The following SEMA6D variants were observed in gnomAD, a reference collection of about 807,000 sequenced individuals.
SEMA6D encodes semaphorin-6D.
SEMA6D carries 35 observed loss-of-function variants against 106.6 expected under a neutral mutation model. That is an observed-to-expected ratio of 0.33 (90% confidence interval 0.25 to 0.44). The LOEUF is 0.44. Ranked by LOEUF, SEMA6D falls within the 20% of genes least tolerant of loss-of-function variation. SEMA6D has a pLI of 1.00. For synonymous variants in SEMA6D, 499 were observed against 487.7 expected (o/e 1.02, Z -0.31); for missense variants, 1,185 against 1,345.9 (o/e 0.88, Z 1.87).
Position 47,575,342 on chromosome 15 carries a change from G to C in SEMA6D, c.-86-25523G>C, listed in dbSNP as rs186857474. ...AAGTCAATAAGAGACTCAAGGGTGA[G>C]TCATAGCTGAAGCCACAGTAAAGCC... On this transcript the variant is annotated intron_variant, in intron 3 of 19. Coordinates refer to the SEMA6D transcript ENST00000558014. 1.1e-4 allele frequency among the ~76,000 whole-genome samples: 17 copies of C among 152,300 alleles called. No homozygotes were observed. In the East Asian group the frequency reaches 3.1e-3, roughly 28 times the overall value.
intron 2 of SEMA6D, among the ~76,000 whole-genome samples, chr15:47,469,394 C>T (rs550894490): frequency 6.6e-6 from 1 of 151,562 alleles, no homozygotes; most frequent in South Asian, 2.1e-4. Context: ...AAATTGTCTT[C>T]AGTTTTTTTC....
intron 1 of SEMA6D, among the ~76,000 whole-genome samples, chr15:47,745,902 A>G (rs983949116): frequency 2.0e-5 from 3 of 152,240 alleles, no homozygotes; most frequent in African/African-American, 7.2e-5. Flanking sequence ...AGGAAGTTGT[A>G]ATAATAGTAC....
chr15:47,746,980 GTGTGTATA>G (rs1217948239), intron 1 of SEMA6D, among the ~76,000 whole-genome samples: 9 of 116,620 alleles, frequency 7.7e-5, no homozygotes, highest in Non-Finnish European at 8.5e-5. Flanking sequence ...CTGTGTGTGT[GTGTGTATA>G]TATATATATA....
chr15:47,730,384 C>G, intron 1 of SEMA6D: 2 of 1,446,234 alleles, frequency 1.4e-6, no homozygotes, highest in South Asian at 2.3e-5. Context: ...GTCTTGCCTT[C>G]CCCTTGATAA....
At chr15:47,766,822 G>T in intron 16 of SEMA6D, 145 bp downstream of exon 16, 2 of 659,528 alleles carry the variant, frequency 3.0e-6, no homozygotes, top group African/African-American at 1.8e-5. Context: ...TGAGCTGTTC[G>T]GTCATGGGGA....
intron 1 of SEMA6D, among the ~76,000 whole-genome samples, chr15:47,275,987 T>C (rs2034791898): frequency 6.6e-6 from 1 of 152,126 alleles, no homozygotes; most frequent in African/African-American, 2.4e-5. Flanking sequence ...ATTCAGAAAG[T>C]TTCAGTGGTC....
At chr15:47,263,798 C>G (rs2034188725) in intron 1 of SEMA6D, among the ~76,000 whole-genome samples, 1 of 151,230 alleles carries the variant, frequency 6.6e-6, no homozygotes, top group Non-Finnish European at 1.5e-5. Flanking sequence ...TATTCTTTAT[C>G]CAATTTGTCA....
intron 1 of SEMA6D, among the ~76,000 whole-genome samples, chr15:47,302,923 C>G (rs983282341): frequency 6.6e-5 from 10 of 152,048 alleles, no homozygotes; most frequent in African/African-American, 2.4e-4. Flanking sequence ...ATTATAGCAG[C>G]CACAGAAAGG....
intron 3 of SEMA6D, among the ~76,000 whole-genome samples, chr15:47,492,500 G>A (rs1487773805): frequency 6.6e-6 from 1 of 152,124 alleles, no homozygotes; most frequent in South Asian, 2.1e-4. Flanking sequence ...CTTAAAATGT[G>A]TATATTTATT....
At chr15:47,398,828 G>A (rs2040304222) in intron 1 of SEMA6D, among the ~76,000 whole-genome samples, 1 of 152,086 alleles carries the variant, frequency 6.6e-6, no homozygotes, top group Admixed American at 6.5e-5. Flanking sequence ...AAGCCACTGT[G>A]ACTGTAAGGA....
chr15:47,378,055 G>C (rs150526005), intron 1 of SEMA6D, among the ~76,000 whole-genome samples: 192 of 152,288 alleles, frequency 1.3e-3, no homozygotes, highest in African/African-American at 4.4e-3. Flanking sequence ...TTTTGAAGCA[G>C]CTTGATTGGT....
intron 3 of SEMA6D, among the ~76,000 whole-genome samples, chr15:47,470,907 T>G (rs1034295729): frequency 2.6e-5 from 4 of 152,166 alleles, no homozygotes; most frequent in Non-Finnish European, 5.9e-5. Flanking sequence ...ACACTGACAG[T>G]CCTTTGTGGG....
At chr15:47,577,201 A>G (rs2076170627) in intron 3 of SEMA6D, among the ~76,000 whole-genome samples, 1 of 152,198 alleles carries the variant, frequency 6.6e-6, no homozygotes, top group African/African-American at 2.4e-5. Flanking sequence ...TACTTGCATA[A>G]TTTTCTCTCC....
intron 3 of SEMA6D, among the ~76,000 whole-genome samples, chr15:47,541,684 G>A (rs151279211): frequency 1.5e-4 from 23 of 152,242 alleles, no homozygotes; most frequent in African/African-American, 4.6e-4. Context: ...ACAGATGATC[G>A]GGGGAATAGC....
In SEMA6D at chr15:47,764,987, C is replaced by A; in HGVS notation, c.1358C>A (p.Ala453Glu). Residue 453 changes from alanine to glutamate, a missense_variant, in exon 13 of 19, where the codon GCA becomes GAA. Transcript: ENST00000536845. ...GCTGGCATGGTACTTAAAGTTCTGG[C>A]AAAGACCAGTCCTTTCTCTTTGAAC... is the stretch of plus-strand genomic sequence containing the variant. ...SEAGMVLKVL[A>E]KTSPFSLNDS... 2 of 1,613,898 alleles carry A rather than the reference C, an allele frequency of 1.2e-6. No homozygotes were observed. Among genetic ancestry groups the A allele is most frequent in the Non-Finnish European group, 1.7e-6 (2 of 1,179,840 alleles).
intron 1 of SEMA6D, among the ~76,000 whole-genome samples, chr15:47,247,633 T>A (rs1263339199): frequency 3.3e-5 from 5 of 152,236 alleles, no homozygotes; most frequent in Non-Finnish European, 5.9e-5. Flanking sequence ...TCTATCTATC[T>A]GTCTTCTATA....
At chr15:47,373,730 G>A (rs2039356205) in intron 1 of SEMA6D, among the ~76,000 whole-genome samples, 1 of 152,160 alleles carries the variant, frequency 6.6e-6, no homozygotes, top group Non-Finnish European at 1.5e-5. Flanking sequence ...ATTGTTATTG[G>A]TGATGTTTCC....
At chr15:47,522,880 T>C (rs866479767) in intron 3 of SEMA6D, among the ~76,000 whole-genome samples, 2 of 152,186 alleles carry the variant, frequency 1.3e-5, no homozygotes, top group Non-Finnish European at 2.9e-5. Context: ...AAGGGAAATC[T>C]ATAAGGGATG....
At chr15:47,298,854 T>C (rs1400066691) in intron 1 of SEMA6D, among the ~76,000 whole-genome samples, 1 of 152,212 alleles carries the variant, frequency 6.6e-6, no homozygotes, top group Admixed American at 6.5e-5. Context: ...ATGAAGATAA[T>C]AATATTAACT....
Sources: gnomAD v4.1 joint callset for allele counts (sites outside exome capture counted in the v4.1 genomes callset) on GRCh38, gnomAD v4.1.1 for gene constraint, MANE v1.5 for transcripts, NCBI Gene and HGNC (gene_info 2026-07-23, HGNC 2026-07-21) for gene names.